Variants in CDKL3 observed in about 807,000 individuals in gnomAD.
CDKL3 encodes cyclin dependent kinase like 3.
Under a neutral mutation model 69.3 loss-of-function variants are expected in CDKL3, and 65 were observed. That is an observed-to-expected ratio of 0.94 (90% confidence interval 0.77 to 1.15). The LOEUF (loss-of-function observed/expected upper bound fraction) is 1.15, where lower values mean the gene tolerates loss of function less well. Ranked by LOEUF, CDKL3 falls within the 50% of genes most tolerant of loss-of-function variation. The pLI is 0.00. For missense variants in CDKL3, 652 were observed against 689.2 expected (o/e 0.95, Z 0.61); for synonymous variants, 202 against 221.6 (o/e 0.91, Z 0.79).
At chr5:134,318,119 T>G (rs962037626) in intron 6 of CDKL3, among the ~76,000 whole-genome samples, 37 of 151,650 alleles carry the variant, frequency 2.4e-4, no homozygotes, top group African/African-American at 8.5e-4. Context: ...CTTGGGAGGC[T>G]GAGGCAGGAA....
intron 6 of CDKL3, among the ~76,000 whole-genome samples, chr5:134,313,478 A>G (rs907428037): frequency 6.6e-6 from 1 of 152,172 alleles, no homozygotes; most frequent in Admixed American, 6.5e-5. Flanking sequence ...TATTATTATT[A>G]TCCTCATTAT....
chr5:134,326,646 A>AT (rs896520130), intron 4 of CDKL3, among the ~76,000 whole-genome samples: 19 of 147,108 alleles, frequency 1.3e-4, no homozygotes, highest in Non-Finnish European at 9.1e-5. Flanking sequence ...AAACTAGTAA[A>AT]TTTTTTTTTT....
At chr5:134,320,361 A>G (rs1772384831) in intron 5 of CDKL3, among the ~76,000 whole-genome samples, 1 of 152,134 alleles carries the variant, frequency 6.6e-6, no homozygotes, top group South Asian at 2.1e-4. Context: ...CACGCCTGTA[A>G]TCCCAGCACT....
chr5:134,368,297 C>T (rs544193363), upstream of CDKL3, among the ~76,000 whole-genome samples: 10 of 152,288 alleles, frequency 6.6e-5, 1 homozygote, highest in South Asian at 1.9e-3. Context: ...TCATTGATCA[C>T]CTAAAATATT....
intron 11 of CDKL3, among the ~76,000 whole-genome samples, chr5:134,302,899 T>C (rs1766696464): frequency 6.6e-6 from 1 of 151,744 alleles, no homozygotes. Flanking sequence ...AAATAAGACA[T>C]TTATTTTATT....
chr5:134,347,886 G>A (rs181743057), intron 4 of CDKL3, among the ~76,000 whole-genome samples: 1 of 152,182 alleles, frequency 6.6e-6, no homozygotes, highest in Admixed American at 6.5e-5. Context: ...AGGAAACGGA[G>A]AGTTACAGTG....
At chr5:134,348,146 G>A (rs560703485) in intron 4 of CDKL3, among the ~76,000 whole-genome samples, 2 of 152,322 alleles carry the variant, frequency 1.3e-5, no homozygotes, top group East Asian at 1.9e-4. Flanking sequence ...CCAGCACTTT[G>A]GGAGGCTGAG....
intron 3 of CDKL3, among the ~76,000 whole-genome samples, chr5:134,354,884 T>C (rs1267890786): frequency 3.3e-5 from 5 of 151,404 alleles, no homozygotes; most frequent in Non-Finnish European, 7.4e-5. Flanking sequence ...GAGGCGGAGG[T>C]TGCAGTGAGC....
intron 4 of CDKL3, among the ~76,000 whole-genome samples, chr5:134,322,715 C>T (rs946423716): frequency 6.6e-6 from 1 of 152,202 alleles, no homozygotes; most frequent in Admixed American, 6.5e-5. Flanking sequence ...GACACTGTGG[C>T]TCATGCCTGT....
chr5:134,337,463 A>G (rs888030258), intron 4 of CDKL3, among the ~76,000 whole-genome samples: 1 of 152,182 alleles, frequency 6.6e-6, no homozygotes, highest in East Asian at 1.9e-4. Context: ...TAGACCGGAG[A>G]TATTCCTATT....
chr5:134,343,215 A>AG (rs1263139608), intron 4 of CDKL3, among the ~76,000 whole-genome samples: 1 of 152,076 alleles, frequency 6.6e-6, no homozygotes, highest in African/African-American at 2.4e-5. Flanking sequence ...AAAAAAAAAA[A>AG]AGGAAAGAAA....
intron 3 of CDKL3, among the ~76,000 whole-genome samples, chr5:134,353,491 C>T (rs1379391792): frequency 6.6e-6 from 1 of 152,020 alleles, no homozygotes; most frequent in Non-Finnish European, 1.5e-5. Context: ...TTCGTGCTCT[C>T]CAATTCAGTC....
chr5:134,343,505 C>T (rs1751054782), intron 4 of CDKL3, among the ~76,000 whole-genome samples: 1 of 152,144 alleles, frequency 6.6e-6, no homozygotes, highest in South Asian at 2.1e-4. Context: ...GCCTGGGGAC[C>T]AGATTGCCTT....
At chr5:134,318,481 T>TTTTG (rs530529356) in intron 6 of CDKL3, among the ~76,000 whole-genome samples, 1 of 151,858 alleles carries the variant, frequency 6.6e-6, no homozygotes, top group East Asian at 1.9e-4. Flanking sequence ...TTCTCCAGTT[T>TTTTG]TTTGTTTGTT....
chr5:134,291,643 G>A (rs771239428), intron 8 of CDKL3, among the ~76,000 whole-genome samples: 7 of 151,956 alleles, frequency 4.6e-5, no homozygotes, highest in African/African-American at 7.3e-5. Context: ...GCATGGTGGC[G>A]TACACCTGTA....
In CDKL3 at chr5:134,293,002, CTTTTTTTTTTTTTTTTTTTTT is replaced by C. The variant is rs558156596; in HGVS notation, c.*678-6464_*678-6444del. On this transcript the variant is annotated intron_variant and NMD_transcript_variant, in intron 8 of 8. Transcript: ENST00000519312. ...GCCCTGTTGGCCTCACTGCCAATTTCTTTTTTTTTTTTTTTTTTTTTTTTTTTTTTTTTTTGAGACGGAGTT... is the reference window on the plus strand; with the variant it reads ...GCCCTGTTGGCCTCACTGCCAATTTCTTTTTTTTTTTTTTGAGACGGAGTT... Among the ~76,000 whole-genome samples, 25 of 43,900 alleles carry C rather than the reference CTTTTTTTTTTTTTTTTTTTTT, an allele frequency of 5.7e-4. 1 individual carries two copies. Among genetic ancestry groups the C allele is most frequent in the African/African-American group, 1.7e-3 (22 of 13,112 alleles). The allele number at this position is 43,900 out of a possible 152,430, so 28.8% of individuals were successfully genotyped here. A position where few individuals can be genotyped will look rare whatever the true frequency, so the allele number is the denominator to read the frequency against.
intron 4 of CDKL3, among the ~76,000 whole-genome samples, chr5:134,335,371 C>T (rs113973522): frequency 0.14 from 21,202 of 151,888 alleles, 1,780 homozygotes; most frequent in African/African-American, 0.23. Context: ...CATTATGATG[C>T]TAGCTGGTTA....
intron 4 of CDKL3, among the ~76,000 whole-genome samples, chr5:134,327,770 T>C (rs1296309704): frequency 6.6e-6 from 1 of 152,196 alleles, no homozygotes; most frequent in African/African-American, 2.4e-5. Flanking sequence ...CCCAAGGCAA[T>C]GTTGAAAATA....
At chr5:134,285,731 G>A (rs1418167926), downstream of CDKL3, among the ~76,000 whole-genome samples, 1 of 152,226 alleles carries the variant, frequency 6.6e-6, no homozygotes, top group Non-Finnish European at 1.5e-5. Context: ...TGCATTGTCA[G>A]GCTGCAAATT....
Sources: gnomAD v4.1 joint callset for allele counts (sites outside exome capture counted in the v4.1 genomes callset) on GRCh38, gnomAD v4.1.1 for gene constraint, MANE v1.5 for transcripts, NCBI Gene and HGNC (gene_info 2026-07-23, HGNC 2026-07-21) for gene names.